PAK4: variants seen among roughly 807,000 people sequenced by gnomAD.
PAK4 encodes serine/threonine-protein kinase PAK 4.
PAK4 carries 49 observed loss-of-function variants against 53.5 expected under a neutral mutation model. The ratio of observed to expected loss-of-function variants is 0.92; its 90% confidence interval spans 0.73 to 1.16. The LOEUF is 1.16. Ranked by LOEUF, PAK4 falls within the 50% of genes most tolerant of loss-of-function variation. The probability of loss-of-function intolerance (pLI) is 0.00; values close to 1 mark genes in which losing one functional copy is unlikely to be tolerated. For synonymous variants in PAK4, 376 were observed against 375.6 expected (o/e 1.00, Z -0.01); for missense variants, 824 against 850.7 (o/e 0.97, Z 0.39).
chr19:39,151,381 A>C (rs1600347843), intron 1 of PAK4, among the ~76,000 whole-genome samples: 1 of 152,244 alleles, frequency 6.6e-6, no homozygotes, highest in Non-Finnish European at 1.5e-5. Context: ...TGCAAGGCCG[A>C]GGGGAGATAG....
intron 1 of PAK4, among the ~76,000 whole-genome samples, chr19:39,163,118 A>T (rs570146262): frequency 6.6e-6 from 1 of 152,262 alleles, no homozygotes; most frequent in East Asian, 1.9e-4. Context: ...ACATGCCAGA[A>T]GGTAGGAGGT....
In PAK4 at chr19:39,177,670, C is replaced by A. The variant is rs781501922; in HGVS notation, c.1486-5C>A. ...TCAGCCCTGCTGTCCCTTCTCCCGC[C>A]CCAGGTAGACATCTGGTCGCTGGGG... is the stretch of plus-strand genomic sequence containing the variant. On this transcript the variant is annotated splice_polypyrimidine_tract_variant and splice_region_variant and intron_variant, in intron 7 of 8. Coordinates refer to ENST00000358301, the Ensembl canonical transcript of PAK4. The A allele has an allele frequency of 1.2e-6, 2 of 1,611,524 alleles. No individual in the cohort carries two copies. Among genetic ancestry groups the A allele is most frequent in the Non-Finnish European group, 1.7e-6 (2 of 1,178,478 alleles).
At chr19:39,138,119 C>T (rs1230332683) in intron 1 of PAK4, among the ~76,000 whole-genome samples, 1 of 152,074 alleles carries the variant, frequency 6.6e-6, no homozygotes, top group Non-Finnish European at 1.5e-5. Context: ...GCTGGGACTG[C>T]AGGTACACGC....
At chr19:39,156,538 G>T (rs2074185199) in intron 1 of PAK4, among the ~76,000 whole-genome samples, 1 of 148,612 alleles carries the variant, frequency 6.7e-6, no homozygotes, top group Non-Finnish European at 1.5e-5. Context: ...TGGGGTCCCC[G>T]CCCAGCCCTG....
At chr19:39,180,671 C>T (rs894889319), downstream of PAK4, 3 of 152,162 alleles carry the variant, frequency 2.0e-5, no homozygotes, top group Admixed American at 2.0e-4. Flanking sequence ...GTCTTGAACT[C>T]CTGACCTCGT....
chr19:39,169,729 T>C lies in PAK4; in HGVS notation c.176T>C (p.Ile59Thr). The C allele has an allele frequency of 5.6e-6, 9 of 1,608,476 alleles. No individual in the cohort carries two copies. In the South Asian group the frequency reaches 7.7e-5, roughly 14 times the overall value. ...AAGCCCCTCGTCGACCCCGCCTGCATCACCTCCATCCAGCCCGGGGCCCCC... is the reference window on the plus strand; with the variant it reads ...AAGCCCCTCGTCGACCCCGCCTGCACCACCTCCATCCAGCCCGGGGCCCCC... The change falls in exon 2 of 9, where the codon ATC becomes ACC. Residue 59 changes from isoleucine to threonine, a missense_variant. By Grantham distance (89) the Ile-to-Thr change is moderately conservative (BLOSUM62 -1). Around this residue, in one of 2 missense-constraint regions of PAK4, gnomAD observed 478 missense variants for 435.8 expected, o/e 1.10. Transcript: ENST00000358301.
At chr19:39,151,576 G>A (rs958342131) in intron 1 of PAK4, among the ~76,000 whole-genome samples, 10 of 152,226 alleles carry the variant, frequency 6.6e-5, no homozygotes, top group Non-Finnish European at 1.3e-4. Context: ...ACTCTGGCCC[G>A]ATGGGGACTG....
At chr19:39,176,808 G>A in intron 7 of PAK4, 93 bp downstream of exon 8, 2 of 1,463,724 alleles carry the variant, frequency 1.4e-6, no homozygotes, top group Non-Finnish European at 1.9e-6. Flanking sequence ...GCCCAGTCTG[G>A]GGAGTCATTG....
intron 1 of PAK4, among the ~76,000 whole-genome samples, chr19:39,137,396 G>T (rs1158514128): frequency 1.3e-5 from 2 of 152,086 alleles, no homozygotes; most frequent in South Asian, 2.1e-4. Flanking sequence ...GGGTTTGTGC[G>T]TGCCGGCCCT....
At chr19:39,126,564 C>T (rs1408252611) in intron 1 of PAK4, among the ~76,000 whole-genome samples, 3 of 151,510 alleles carry the variant, frequency 2.0e-5, no homozygotes, top group East Asian at 3.9e-4. Flanking sequence ...CTCTTTTTAA[C>T]GCTTTACTTG....
chr19:39,174,060 C>T, intron 4 of PAK4, 50 bp downstream of exon 5: 3 of 1,148,874 alleles, frequency 2.6e-6, no homozygotes, highest in Non-Finnish European at 3.7e-6. Context: ...ACCCCTCCCT[C>T]CCACCCTCCC....
chr19:39,130,392 G>C (rs1472816882), intron 1 of PAK4, among the ~76,000 whole-genome samples: 1 of 152,100 alleles, frequency 6.6e-6, no homozygotes, highest in Non-Finnish European at 1.5e-5. Flanking sequence ...ACCGTAGGAA[G>C]CCCGAGGAGG....
At chr19:39,179,533 G>C (rs2074678750), downstream of PAK4, 1 of 152,100 alleles carries the variant, frequency 6.6e-6, no homozygotes, top group Admixed American at 6.5e-5. Context: ...GTGGGGTGGG[G>C]AGTGGGGAGT....
In PAK4 at chr19:39,169,385, C is replaced by T. The variant is rs1052880590; in HGVS notation, c.-22-147C>T. ...TGGCTGTGTGTGCCACACAGATGGG[C>T]GCAGGGGGTGGGCAGGGAGACCCAG... is the stretch of plus-strand genomic sequence containing the variant. On this transcript the variant is annotated intron_variant, in intron 1 of 8. Coordinates refer to ENST00000358301, the Ensembl canonical transcript of PAK4. 27 of 643,222 alleles carry T rather than the reference C, an allele frequency of 4.2e-5. 1 individual carries two copies. Among genetic ancestry groups the T allele is most frequent in the African/African-American group, 3.1e-4 (17 of 54,914 alleles). The allele number at this position is 643,222 out of a possible 1,614,324, so 39.8% of individuals were successfully genotyped here. A position where few individuals can be genotyped will look rare whatever the true frequency, so the allele number is the denominator to read the frequency against.
rs373760840 is a variant in PAK4 at position 39,169,547 on chromosome 19, C to T, written c.-7C>T. 31 of 1,612,222 alleles carry T rather than the reference C, an allele frequency of 1.9e-5. 1 individual carries two copies. The highest frequency in any genetic ancestry group is 1.6e-4 in the South Asian group (15 of 91,014). On this transcript the variant is annotated 5_prime_UTR_variant, in exon 2 of 9. Coordinates refer to ENST00000358301, the Ensembl canonical transcript of PAK4. Reference sequence around the variant, plus strand: ...CCTCCCGCAGGCCGCACCGAGTCCCCGGCACCATGTTTGGGAAGAGGAAGA... The same window carrying T: ...CCTCCCGCAGGCCGCACCGAGTCCCTGGCACCATGTTTGGGAAGAGGAAGA...
chr19:39,177,627 C>A, intron 7 of PAK4, 48 bp from the exon 9 acceptor site: 1 of 1,580,020 alleles, frequency 6.3e-7, no homozygotes, highest in Non-Finnish European at 8.6e-7. Flanking sequence ...TCCCCAGGAC[C>A]CACCATCCCC....
intron 1 of PAK4, among the ~76,000 whole-genome samples, chr19:39,143,835 G>A (rs1257725984): frequency 2.0e-5 from 3 of 151,834 alleles, no homozygotes; most frequent in Non-Finnish European, 4.4e-5. Context: ...AAAAGGGCGT[G>A]GTGGCATGTG....
chr19:39,133,118 G>A (rs2073744949), intron 1 of PAK4, among the ~76,000 whole-genome samples: 1 of 152,204 alleles, frequency 6.6e-6, no homozygotes, highest in African/African-American at 2.4e-5. Flanking sequence ...GGCCTCCGGA[G>A]CCAGCTTTGT....
At chr19:39,129,538 C>G (rs1186058000) in intron 1 of PAK4, among the ~76,000 whole-genome samples, 1 of 152,170 alleles carries the variant, frequency 6.6e-6, no homozygotes, top group Non-Finnish European at 1.5e-5. Flanking sequence ...CTCCGGGGCT[C>G]CCTTTATTTC....
Sources: gnomAD v4.1 joint callset for allele counts (sites outside exome capture counted in the v4.1 genomes callset) on GRCh38, gnomAD v4.1.1 for gene constraint, gnomAD v4.1.1 regional missense constraint, MANE v1.5 for transcripts, NCBI Gene and HGNC (gene_info 2026-07-23, HGNC 2026-07-21) for gene names.